CHCHD3: variants seen among roughly 807,000 people sequenced by gnomAD.
CHCHD3 encodes MICOS complex subunit MIC19.
A neutral mutation model predicts 38.2 loss-of-function variants in CHCHD3; 20 were observed. That is an observed-to-expected ratio of 0.52 (90% confidence interval 0.37 to 0.76). CHCHD3 has a LOEUF of 0.76. Ranked by LOEUF, CHCHD3 falls within the 30% of genes least tolerant of loss-of-function variation. The pLI, the probability that CHCHD3 is intolerant of heterozygous loss-of-function variation, is 0.00. For missense variants in CHCHD3, 245 were observed against 279.2 expected, an observed-to-expected ratio of 0.88 and a Z score of 0.87; for synonymous variants, 82 against 100.0, an observed-to-expected ratio of 0.82 and a Z score of 1.07.
intron 1 of CHCHD3, 54 bp from the exon 2 acceptor site, chr7:133,070,283 C>T (rs911975476): frequency 6.9e-7 from 1 of 1,444,436 alleles, no homozygotes; most frequent in Non-Finnish European, 9.7e-7. Flanking sequence ...GATCAAAAAC[C>T]AGTGCAATAA....
intron 3 of CHCHD3, among the ~76,000 whole-genome samples, chr7:133,007,848 A>G (rs960204350): frequency 6.6e-6 from 1 of 152,204 alleles, no homozygotes; most frequent in Non-Finnish European, 1.5e-5. Context: ...AAACAACAGG[A>G]CTATTATATT....
intron 5 of CHCHD3, among the ~76,000 whole-genome samples, chr7:132,850,728 C>T (rs1383932701): frequency 6.6e-6 from 1 of 152,118 alleles, no homozygotes; most frequent in African/African-American, 2.4e-5. Flanking sequence ...ATGAATGGCC[C>T]TGCTTTTATG....
At chr7:132,895,569 C>T (rs545228701) in intron 4 of CHCHD3, among the ~76,000 whole-genome samples, 3 of 152,368 alleles carry the variant, frequency 2.0e-5, no homozygotes, top group African/African-American at 7.2e-5. Context: ...GTGTCATGCA[C>T]GGGACCCACT....
At chr7:133,039,018 T>C (rs1480489659) in intron 2 of CHCHD3, among the ~76,000 whole-genome samples, 2 of 152,236 alleles carry the variant, frequency 1.3e-5, no homozygotes, top group East Asian at 1.9e-4. Flanking sequence ...GGGAAACGCA[T>C]ATAAAGTTTA....
At chr7:132,787,516 GA>G (rs1362597218) in intron 7 of CHCHD3, among the ~76,000 whole-genome samples, 1 of 152,048 alleles carries the variant, frequency 6.6e-6, no homozygotes, top group African/African-American at 2.4e-5. Flanking sequence ...GCCTGGGAAG[GA>G]GGAGGATGAC....
At chr7:133,048,609 A>G (rs1034758546) in intron 2 of CHCHD3, among the ~76,000 whole-genome samples, 1 of 152,220 alleles carries the variant, frequency 6.6e-6, no homozygotes, top group Admixed American at 6.5e-5. Flanking sequence ...TTCTAAATTA[A>G]GTCATCAAAA....
At chr7:132,982,552 T>C (rs1005422309) in intron 3 of CHCHD3, among the ~76,000 whole-genome samples, 1 of 152,264 alleles carries the variant, frequency 6.6e-6, no homozygotes, top group Non-Finnish European at 1.5e-5. Flanking sequence ...CCCAGAGTGC[T>C]AGGATTACAG....
intron 3 of CHCHD3, among the ~76,000 whole-genome samples, chr7:132,981,677 T>A (rs762688204): frequency 6.6e-6 from 1 of 152,232 alleles, no homozygotes; most frequent in South Asian, 2.1e-4. Context: ...TTTATCTTCA[T>A]GTAGGTTGAC....
chr7:132,883,851 A>G (rs185107011), intron 5 of CHCHD3, among the ~76,000 whole-genome samples: 2 of 152,186 alleles, frequency 1.3e-5, no homozygotes, highest in African/African-American at 2.4e-5. Context: ...CATATCCACA[A>G]TCAAACTCCT....
intron 1 of CHCHD3, among the ~76,000 whole-genome samples, chr7:133,079,184 TTGAA>T (rs1815096897): frequency 6.6e-6 from 1 of 152,240 alleles, no homozygotes; most frequent in African/African-American, 2.4e-5. Context: ...TTATTAAAAT[TTGAA>T]GTTCACTTAA....
chr7:132,898,868 C>CCGGGGCCGG (rs1809587385), intron 4 of CHCHD3, among the ~76,000 whole-genome samples: 1 of 152,234 alleles, frequency 6.6e-6, no homozygotes. Flanking sequence ...CCCTCATTGC[C>CCGGGGCCGG]CGGGGCCGGC....
intron 3 of CHCHD3, among the ~76,000 whole-genome samples, chr7:132,986,856 T>C (rs1157896659): frequency 6.6e-6 from 1 of 152,212 alleles, no homozygotes; most frequent in East Asian, 1.9e-4. Flanking sequence ...CAAATGCAGT[T>C]GAGTTTATGG....
intron 3 of CHCHD3, among the ~76,000 whole-genome samples, chr7:132,987,562 G>A (rs544238484): frequency 6.6e-5 from 10 of 152,112 alleles, no homozygotes; most frequent in Non-Finnish European, 8.8e-5. Context: ...TCGAAACAGC[G>A]CCAGACGATG....
rs140852958 is a variant in CHCHD3 at position 132,981,465 on chromosome 7, G to A, written c.252-6179C>T. Among the ~76,000 whole-genome samples the A allele has an allele frequency of 8.5e-4, 130 of 152,324 alleles. 5 individuals carry two copies. In the East Asian group the frequency reaches 0.011, roughly 13 times the overall value. ...TTATACTACTCACCTTTGTGGTCAT[G>A]TAAGGACAGTTTTTAAATCTTACAT... On this transcript the variant is annotated intron_variant, in intron 3 of 7. Transcript: ENST00000262570.
At chr7:133,065,492 T>C (rs1016389271) in intron 2 of CHCHD3, among the ~76,000 whole-genome samples, 2 of 152,180 alleles carry the variant, frequency 1.3e-5, no homozygotes, top group African/African-American at 4.8e-5. Context: ...TTCACACATA[T>C]GAATAGCCTA....
At chr7:132,944,949 T>C (rs1810860963) in intron 4 of CHCHD3, among the ~76,000 whole-genome samples, 2 of 152,056 alleles carry the variant, frequency 1.3e-5, no homozygotes, top group African/African-American at 4.8e-5. Flanking sequence ...AACTTCTTTA[T>C]TGACTTTATA....
chr7:132,790,396 TA>T, intron 7 of CHCHD3, among the ~76,000 whole-genome samples: 1 of 152,230 alleles, frequency 6.6e-6, no homozygotes, highest in South Asian at 2.1e-4. Flanking sequence ...AACTCAGATT[TA>T]AAAAAAGAGA....
At chr7:132,921,020 C>G (rs1372657710) in intron 4 of CHCHD3, among the ~76,000 whole-genome samples, 3 of 152,036 alleles carry the variant, frequency 2.0e-5, no homozygotes, top group African/African-American at 7.3e-5. Context: ...GATAAAATGG[C>G]AATTGATAGA....
rs191115352 is a variant in CHCHD3 at position 132,795,153 on chromosome 7, T to C, written c.660+1289A>G. On this transcript the variant is annotated intron_variant, in intron 7 of 7. Coordinates refer to ENST00000262570, the MANE Select transcript of CHCHD3 (RefSeq NM_017812.4). Reference sequence around the variant, plus strand: ...GAGACCAGCATTGAAACATACACTTTGTCACAACCACTCTTTTCCACTGAC... The same window carrying C: ...GAGACCAGCATTGAAACATACACTTCGTCACAACCACTCTTTTCCACTGAC... Among the ~76,000 whole-genome samples, 7 of 152,324 alleles carry C rather than the reference T, an allele frequency of 4.6e-5. No individual in the cohort carries two copies. In the East Asian group the frequency reaches 1.3e-3, roughly 29 times the overall value.
Sources: allele counts gnomAD v4.1 joint callset (sites outside exome capture counted in the v4.1 genomes callset), GRCh38; gene constraint gnomAD v4.1.1; transcripts MANE v1.5; gene names NCBI Gene and HGNC (gene_info 2026-07-23, HGNC 2026-07-21).